The following HSPG2 variants were observed in gnomAD, a reference collection of about 807,000 sequenced individuals.
HSPG2 encodes heparan sulfate proteoglycan 2.
Under a neutral mutation model 526.6 loss-of-function variants are expected in HSPG2, and 278 were observed. That is an observed-to-expected ratio of 0.53 (90% CI 0.48 to 0.58). The LOEUF (loss-of-function observed/expected upper bound fraction) is 0.58. HSPG2 is among the 20% of genes least tolerant of loss of function. HSPG2 has a pLI of 0.00. For missense variants in HSPG2, 5,354 were observed against 6,099.5 expected (o/e 0.88, Z 4.07); for synonymous variants, 2,465 against 2,555.4 (o/e 0.96, Z 1.07).
chr1:21,851,468 T>C, intron 55 of HSPG2, 78 bp downstream of exon 55: 1 of 1,595,928 alleles, frequency 6.3e-7, no homozygotes, highest in Non-Finnish European at 8.6e-7. Context: ...CAGGGGAGCC[T>C]CTAGCCCTCC....
chr1:21,852,970 G>A lies in HSPG2; in HGVS notation c.6540C>T (p.His2180=), dbSNP rs371867125. The A allele has an allele frequency of 8.9e-5, 143 of 1,613,574 alleles. No homozygotes were observed. The highest frequency in any genetic ancestry group is 2.7e-4 in the African/African-American group (20 of 75,046). The change falls in exon 51 of 97, where the codon CAC becomes CAT. Residue 2180 remains histidine (H), a synonymous_variant. Coordinates refer to ENST00000374695, the MANE Select transcript of HSPG2 (RefSeq NM_005529.7). The stretch of plus-strand genomic sequence containing the variant: ...CACGCTTGTGCCACGTGACCTGGGC[G>A]TGGGCCTGCCCGGGCACCACGCAGT... ...DLNCVVPGQA[H]AQVTWHKRGG...
intron 18 of HSPG2, 35 bp downstream of exon 18, chr1:21,878,959 A>G (rs760180309): frequency 4.4e-6 from 7 of 1,606,758 alleles, no homozygotes; most frequent in Non-Finnish European, 6.0e-6. Flanking sequence ...CACTGTCCCC[A>G]GCCAAACCCC....
Position 21,857,037 on chromosome 1 carries a change from G to T in HSPG2, c.5553C>A (p.Gly1851=). 6.2e-7 allele frequency: 1 copy of T among 1,614,166 alleles called. No homozygotes were observed. The highest frequency in any genetic ancestry group is 8.5e-7 in the Non-Finnish European group (1 of 1,180,032). The change falls in exon 44 of 97, where the codon GGC becomes GGA. Residue 1851 remains glycine, a synonymous_variant. Transcript: ENST00000374695. Reference sequence around the variant, plus strand: ...TACCCTGCACATGTAGAGTGGCTGTGCCCTGGTCCATGGCAAACATGTTGG... The same window carrying T: ...TACCCTGCACATGTAGAGTGGCTGTTCCCTGGTCCATGGCAAACATGTTGG... The part of the protein sequence containing the change: ...TGSNMFAMDQ[G]TATLHVQASG...
intron 37 of HSPG2, among the ~76,000 whole-genome samples, chr1:21,863,436 A>C (rs1639985045): frequency 6.6e-6 from 1 of 152,166 alleles, no homozygotes; most frequent in Admixed American, 6.6e-5. Context: ...TGTGGGTTAC[A>C]GATTCTCCTC....
At position 21,858,867 on chromosome 1, in the gene HSPG2, CA is replaced by C. The variant is rs1639546982; in HGVS notation, c.5293+698del. 6.6e-6 allele frequency among the ~76,000 whole-genome samples: 1 copy of C among 152,184 alleles called. No homozygotes were observed. Reference sequence around the variant, plus strand: ...AGACATACTGCAGCTCCTTGGACCCCAGGGCAGGGTGACTTTGAGGTGCGTG... The same window carrying C: ...AGACATACTGCAGCTCCTTGGACCCCGGGCAGGGTGACTTTGAGGTGCGTG... On this transcript the variant is annotated intron_variant, in intron 42 of 96. Coordinates refer to ENST00000374695, the MANE Select transcript of HSPG2 (RefSeq NM_005529.7). This position sits in a 1 kb window ranked among gnomAD's most constrained non-coding sequence, Gnocchi z 4.2.
intron 1 of HSPG2, among the ~76,000 whole-genome samples, chr1:21,899,303 T>C (rs1334255372): frequency 1.3e-5 from 2 of 152,096 alleles, no homozygotes; most frequent in African/African-American, 4.8e-5. Context: ...GGAAAGAGGC[T>C]CCCAGAAAGA....
intron 69 of HSPG2, 95 bp from the exon 70 acceptor site, chr1:21,841,768 A>T (rs1162500337): frequency 6.7e-7 from 1 of 1,498,174 alleles, no homozygotes; most frequent in Non-Finnish European, 9.2e-7. Context: ...CACTTCCCCA[A>T]TCCCTCCGGC....
At chr1:21,889,547 CT>C (rs1642196050) in intron 6 of HSPG2, among the ~76,000 whole-genome samples, 1 of 150,538 alleles carries the variant, frequency 6.6e-6, no homozygotes, top group African/African-American at 2.5e-5. Context: ...TTAGATTTTC[CT>C]TTCTGGGCCT....
intron 37 of HSPG2, among the ~76,000 whole-genome samples, chr1:21,863,168 C>G (rs990431926): frequency 2.0e-5 from 3 of 149,046 alleles, no homozygotes; most frequent in Admixed American, 2.0e-4. Flanking sequence ...GTCAGGAGAT[C>G]GAGACCATCC....
Position 21,847,744 on chromosome 1 carries a change from G to C in HSPG2, c.7970C>G (p.Pro2657Arg), listed in dbSNP as rs1255514851. Reference protein sequence around the residue: ...LDLNCVVARQPQAIITWYKRG... With the variant: ...LDLNCVVARQRQAIITWYKRG... ...CTTGTACCATGTGATGATAGCCTGG[G>C]GCTGCCTGGCGACCACGCAGTTCAG... Residue 2657 changes from proline to arginine, a missense_variant, in exon 61 of 97, where the codon CCC (proline) becomes CGC (arginine). Physicochemically the swap from Pro to Arg is moderately radical, Grantham distance 103 (BLOSUM62 -2). Transcript: ENST00000374695. This position sits in a 1 kb window ranked among gnomAD's most constrained non-coding sequence, Gnocchi z 4.1. 3.1e-6 allele frequency: 5 copies of C among 1,612,886 alleles called. No homozygotes were observed. The highest frequency in any genetic ancestry group is 1.3e-5 in the African/African-American group (1 of 75,020).
intron 71 of HSPG2, 60 bp downstream of exon 71, chr1:21,841,041 C>G: frequency 2.6e-6 from 4 of 1,511,802 alleles, no homozygotes; most frequent in Non-Finnish European, 3.6e-6. Flanking sequence ...CCTCCAAGCA[C>G]CCGCTCAAGG....
Position 21,875,002 on chromosome 1 carries a change from C to T in HSPG2, c.3303G>A (p.Arg1101=). ...CCACGTCCATGCTGATGCCAGAGAC[C>T]CTGGGCGTGACAAGACCCAGCGTGA... ...ASYAQQPAES[R]VSGISMDVAV... Residue 1101 remains arginine, a splice_region_variant and synonymous_variant, in exon 26 of 97, where the codon AGG becomes AGA. Transcript: ENST00000374695. The T allele has an allele frequency of 6.3e-7, 1 of 1,592,428 alleles. No individual in the cohort carries two copies. The highest frequency in any genetic ancestry group is 8.6e-7 in the Non-Finnish European group (1 of 1,168,582).
chr1:21,900,650 G>C (rs182623790), intron 1 of HSPG2, among the ~76,000 whole-genome samples: 1 of 152,114 alleles, frequency 6.6e-6, no homozygotes, highest in Non-Finnish European at 1.5e-5. Context: ...CAGATACGGA[G>C]AGCAGGTACA....
chr1:21,901,948 C>A (rs1643122968), intron 1 of HSPG2, among the ~76,000 whole-genome samples: 1 of 152,130 alleles, frequency 6.6e-6, no homozygotes, highest in Admixed American at 6.5e-5. Flanking sequence ...CAGACAAGGT[C>A]CCCATCCCCC....
Position 21,850,442 on chromosome 1 carries a change from G to A in HSPG2, c.7215C>T (p.Tyr2405=), listed in dbSNP as rs1403199930. 5 of 1,611,544 alleles carry A rather than the reference G, an allele frequency of 3.1e-6. No homozygotes were observed. Among genetic ancestry groups the A allele is most frequent in the South Asian group, 1.1e-5 (1 of 90,846 alleles). ...YQASPADSGE[Y]VCRVLGSSVP... ...CGGAGCTGCCCAACACTCGGCACAC[G>A]TACTCGCCCGAGTCGGCGGGGGACG... Residue 2405 remains tyrosine (Y), a synonymous_variant, in exon 56 of 97, where the codon TAC becomes TAT. Transcript: ENST00000374695.
chr1:21,836,202 T>C (rs928978711), intron 75 of HSPG2, among the ~76,000 whole-genome samples: 3 of 152,118 alleles, frequency 2.0e-5, no homozygotes, highest in African/African-American at 7.2e-5. Flanking sequence ...GTCATTTGTG[T>C]ATTTCTGGCC....
At chr1:21,867,622 A>C (rs186531523) in intron 33 of HSPG2, among the ~76,000 whole-genome samples, 38 of 152,048 alleles carry the variant, frequency 2.5e-4, no homozygotes, top group African/African-American at 8.2e-4. Flanking sequence ...ACGCTTGATA[A>C]CCCTGCAGTA....
chr1:21,833,744 G>T, intron 78 of HSPG2, 72 bp downstream of exon 78: 1 of 1,523,694 alleles, frequency 6.6e-7, no homozygotes. Context: ...CCACATCCTG[G>T]GGACACTGAG....
chr1:21,874,998 A>G lies in HSPG2; in HGVS notation c.3307T>C (p.Ser1103Pro). ...ACAGCCACGTCCATGCTGATGCCAG[A>G]GACCCTGGGCGTGACAAGACCCAGC... ...YAQQPAESRV[S>P]GISMDVAVPE... Residue 1103 changes from serine to proline, a missense_variant, in exon 26 of 97, where the codon TCT becomes CCT. By Grantham distance (74) the Ser-to-Pro change is moderately conservative. Coordinates refer to ENST00000374695, the MANE Select transcript of HSPG2 (RefSeq NM_005529.7). The G allele has an allele frequency of 1.3e-6, 2 of 1,596,536 alleles. No homozygotes were observed. Among genetic ancestry groups the G allele is most frequent in the Non-Finnish European group, 1.7e-6 (2 of 1,170,994 alleles).
Sources: gnomAD v4.1 joint callset for allele counts (sites outside exome capture counted in the v4.1 genomes callset) on GRCh38, gnomAD v4.1.1 for gene constraint, Gnocchi (gnomAD v3.1) non-coding constraint, MANE v1.5 for transcripts, NCBI Gene and HGNC (gene_info 2026-07-23, HGNC 2026-07-21) for gene names.